CCDC144A: variants seen among roughly 807,000 people sequenced by gnomAD.
The protein encoded by CCDC144A is coiled-coil domain-containing protein 144A.
In CCDC144A, 41 loss-of-function variants were observed where a neutral mutation model predicts 143.8. That is an observed-to-expected ratio of 0.29 (90% CI 0.22 to 0.37). The LOEUF is 0.37. Among genes scored for constraint, CCDC144A ranks in the 10% least tolerant of loss-of-function variants. The probability of loss-of-function intolerance (pLI) is 1.00; values close to 1 mark genes in which losing one functional copy is unlikely to be tolerated. For synonymous variants in CCDC144A, 242 were observed against 517.9 expected, an observed-to-expected ratio of 0.47 and a Z score of 7.23; for missense variants, 637 against 1,488.8, an observed-to-expected ratio of 0.43 and a Z score of 9.41.
upstream of CCDC144A, among the ~76,000 whole-genome samples, chr17:16,684,767 C>T (rs1781692753): frequency 6.6e-6 from 1 of 151,900 alleles, no homozygotes; most frequent in South Asian, 2.1e-4. Flanking sequence ...AGTTTGAGAC[C>T]AGCCTGGTTA....
At chr17:16,678,751 G>GTTCTTTT in the CCDC144A span, among the ~76,000 whole-genome samples, 2 of 78,052 alleles carry the variant, frequency 2.6e-5, no homozygotes, top group African/African-American at 9.3e-5. Flanking sequence ...TGGCTAATTT[G>GTTCTTTT]TTTTTTTTTT....
chr17:16,760,272 A>G (rs1427910935), intron 12 of CCDC144A, among the ~76,000 whole-genome samples: 1 of 150,714 alleles, frequency 6.6e-6, no homozygotes, highest in Non-Finnish European at 1.5e-5. Flanking sequence ...GTGGCAAGCA[A>G]TTTGTAGATG....
At chr17:16,684,677 A>T (rs1910718389), upstream of CCDC144A, among the ~76,000 whole-genome samples, 2 of 151,624 alleles carry the variant, frequency 1.3e-5, no homozygotes, top group Admixed American at 6.6e-5. Context: ...AAAAAAAAAA[A>T]TTTGAGACTG....
rs761868371 is a variant in CCDC144A, at chr17:16,709,184, A to G, written c.1127A>G (p.Tyr376Cys). ...EPSLKNIIHP[Y>C]YHPYSGSQEH... ...AGTCTCAAAAATATCATCCATCCAT[A>G]CTATCATCCATACTCTGGGTCCCAG... is the stretch of plus-strand genomic sequence containing the variant. The change falls in exon 5 of 17, where the codon TAC becomes TGC. Residue 376 changes from tyrosine (Y) to cysteine (C), a missense_variant. Physicochemically the swap from Tyr to Cys is radical, Grantham distance 194. Transcript: ENST00000399273. The G allele has an allele frequency of 1.1e-5, 17 of 1,611,626 alleles. No homozygotes were observed. The Admixed American group carries it at 2.5e-4, about 24-fold the overall frequency.
the CCDC144A span, among the ~76,000 whole-genome samples, chr17:16,677,335 C>T: frequency 6.6e-6 from 1 of 152,102 alleles, no homozygotes; most frequent in Non-Finnish European, 1.5e-5. Flanking sequence ...GAATCAAGAG[C>T]TGCAATTAAA....
the CCDC144A span, among the ~76,000 whole-genome samples, chr17:16,684,461 C>G: frequency 1.3e-5 from 2 of 152,168 alleles, no homozygotes; most frequent in Admixed American, 1.3e-4. Context: ...CAAGACCAGC[C>G]TGGCCAGTAT....
intron 2 of CCDC144A, among the ~76,000 whole-genome samples, chr17:16,697,545 T>G (rs1911486421): frequency 6.6e-6 from 1 of 152,258 alleles, no homozygotes; most frequent in Non-Finnish European, 1.5e-5. Context: ...CTCAGACTAG[T>G]GTCAGTCTGT....
intron 8 of CCDC144A, among the ~76,000 whole-genome samples, chr17:16,724,933 G>A (rs1432751542): frequency 7.0e-6 from 1 of 141,894 alleles, no homozygotes; most frequent in Non-Finnish European, 1.5e-5. Context: ...TTACAGGCAT[G>A]AGCCACCGCG....
intron 2 of CCDC144A, among the ~76,000 whole-genome samples, chr17:16,699,518 GGC>G (rs1911609479): frequency 1.8e-3 from 32 of 17,760 alleles, no homozygotes; most frequent in Non-Finnish European, 2.2e-3. Flanking sequence ...TGGGATTACA[GGC>G]GTGAGCCACC....
Position 16,746,358 on chromosome 17 carries a change from C to A in CCDC144A, c.3372+10715C>A, listed in dbSNP as rs1335606958. 9.8e-6 allele frequency: 12 copies of A among 1,222,922 alleles called. No individual in the cohort carries two copies. In the Admixed American group the frequency reaches 1.0e-4, roughly 11 times the overall value. 75.8% of individuals were successfully genotyped at this position (1,222,922 alleles called of 1,614,324 possible). ...TTTTCTAACTCTCTCCTCCGTTCTT[C>A]TCGCTTCTCTTCTCGAATTCTCTGC... On this transcript the variant is annotated intron_variant, in intron 12 of 16. Coordinates refer to ENST00000399273, the MANE Select transcript of CCDC144A (RefSeq NM_001382000.1).
Position 16,736,981 on chromosome 17 carries a change from A to C in CCDC144A, c.3372+1338A>C, listed in dbSNP as rs557493195. Among the ~76,000 whole-genome samples, 581 of 151,948 alleles carry C rather than the reference A, an allele frequency of 3.8e-3. 6 individuals are homozygous for C. The highest frequency in any genetic ancestry group is 0.013 in the African/African-American group (553 of 41,424). On this transcript the variant is annotated intron_variant, in intron 12 of 16. Coordinates refer to ENST00000399273, the MANE Select transcript of CCDC144A (RefSeq NM_001382000.1). ...GTTAAGCACTGCAGATGTTTCAGGGAAGAGTGAGTAGTGGGCTGAATCTAT... is the reference window on the plus strand; with the variant it reads ...GTTAAGCACTGCAGATGTTTCAGGGCAGAGTGAGTAGTGGGCTGAATCTAT...
intron 5 of CCDC144A, chr17:16,710,366 A>T (rs1912332840): frequency 7.1e-6 from 1 of 140,244 alleles, no homozygotes; most frequent in Admixed American, 7.2e-5. Flanking sequence ...ATCTCTTACT[A>T]AAAAAAAAAA....
intron 6 of CCDC144A, among the ~76,000 whole-genome samples, chr17:16,717,240 G>T (rs569057573): frequency 6.6e-6 from 1 of 150,640 alleles, no homozygotes; most frequent in Non-Finnish European, 1.5e-5. Flanking sequence ...TCAGCCTCCC[G>T]AATAGCTGGG....
At chr17:16,714,330 ATC>A (rs1375731819) in intron 6 of CCDC144A, among the ~76,000 whole-genome samples, 10 of 152,144 alleles carry the variant, frequency 6.6e-5, no homozygotes, top group Non-Finnish European at 1.2e-4. Flanking sequence ...CCTACTTGAC[ATC>A]TCTGTTTGAT....
intron 9 of CCDC144A, 65 bp from the exon 10 acceptor site, chr17:16,731,735 T>G (rs1228888447): frequency 5.9e-6 from 1 of 170,544 alleles, no homozygotes; most frequent in Admixed American, 8.7e-5. Context: ...AAGAGCCAGA[T>G]CACAGAATAA....
intron 10 of CCDC144A, 127 bp from the exon 11 acceptor site, chr17:16,732,411 G>A: frequency 1.6e-6 from 1 of 611,996 alleles, no homozygotes; most frequent in South Asian, 2.1e-5. Flanking sequence ...TGATTCTTGA[G>A]GGATAAAAGT....
intron 16 of CCDC144A, 146 bp from the exon 17 acceptor site, chr17:16,773,351 G>C (rs1201531240): frequency 2.8e-6 from 3 of 1,062,614 alleles, no homozygotes; most frequent in Non-Finnish European, 3.8e-6. Flanking sequence ...TTGGGGCTGA[G>C]GCAGGAGAAT....
At chr17:16,764,285 T>C in intron 15 of CCDC144A, 110 bp downstream of exon 15, 1 of 1,523,662 alleles carries the variant, frequency 6.6e-7, no homozygotes, top group Non-Finnish European at 8.8e-7. Flanking sequence ...AAGTAATAAT[T>C]ACCTGTGTTA....
chr17:16,737,162 C>CTTT lies in CCDC144A; in HGVS notation c.3372+1539_3372+1541dup, dbSNP rs757856458. Among the ~76,000 whole-genome samples, 663 of 102,608 alleles carry CTTT rather than the reference C, an allele frequency of 6.5e-3. 10 individuals are homozygous for CTTT. The highest frequency in any genetic ancestry group is 0.012 in the African/African-American group (292 of 24,888). The allele number at this position is 102,608 out of a possible 152,430, so 67.3% of individuals were successfully genotyped here. On this transcript the variant is annotated intron_variant, in intron 12 of 16. Coordinates refer to ENST00000399273, the MANE Select transcript of CCDC144A (RefSeq NM_001382000.1). Reference sequence around the variant, plus strand: ...CAAAGTATATGAGTTAGAGTTAAATCTTTTTTTTTTTTTTTTTTTTTTGAG... The same window carrying CTTT: ...CAAAGTATATGAGTTAGAGTTAAATCTTTTTTTTTTTTTTTTTTTTTTTTTGAG...
Sources: allele counts gnomAD v4.1 joint callset (sites outside exome capture counted in the v4.1 genomes callset), GRCh38; gene constraint gnomAD v4.1.1; transcripts MANE v1.5; gene names NCBI Gene and HGNC (gene_info 2026-07-23, HGNC 2026-07-21).